The following LRMDA variants were observed in gnomAD, a reference collection of about 807,000 sequenced individuals.
The protein encoded by LRMDA is leucine rich melanocyte differentiation associated.
A neutral mutation model predicts 29.8 loss-of-function variants in LRMDA; 18 were observed. The ratio of observed to expected loss-of-function variants is 0.60; its 90% CI spans 0.42 to 0.90. The LOEUF (loss-of-function observed/expected upper bound fraction) is 0.90, where lower values mean the gene tolerates loss of function less well. LRMDA is among the 40% of genes least tolerant of loss of function. The pLI is 0.00. For synonymous variants in LRMDA, 125 were observed against 109.4 expected, an observed-to-expected ratio of 1.14 and a Z score of -0.89; for missense variants, 273 against 273.9, an observed-to-expected ratio of 1.00 and a Z score of 0.02.
At chr10:75,845,381 A>G (rs377595537) in intron 2 of LRMDA, among the ~76,000 whole-genome samples, 1 of 152,164 alleles carries the variant, frequency 6.6e-6, no homozygotes, top group African/African-American at 2.4e-5. Flanking sequence ...GTATAACTGA[A>G]TGGATCATTT....
chr10:76,219,703 T>C (rs1201761455), intron 5 of LRMDA, among the ~76,000 whole-genome samples: 7 of 152,234 alleles, frequency 4.6e-5, no homozygotes, highest in African/African-American at 1.7e-4. Flanking sequence ...ATTAGACAGA[T>C]CAACGAGACA....
intron 2 of LRMDA, among the ~76,000 whole-genome samples, chr10:75,933,718 C>T (rs1445012046): frequency 2.0e-5 from 3 of 152,074 alleles, no homozygotes; most frequent in Non-Finnish European, 2.9e-5. Flanking sequence ...GGAGGGTATT[C>T]GCTCCAAGGA....
At chr10:75,881,818 C>T (rs1845299482) in intron 2 of LRMDA, among the ~76,000 whole-genome samples, 1 of 152,230 alleles carries the variant, frequency 6.6e-6, no homozygotes, top group Non-Finnish European at 1.5e-5. Context: ...CTTTTGTTTG[C>T]TTCATTCTTT....
chr10:76,282,762 G>A (rs1438469338), intron 5 of LRMDA, among the ~76,000 whole-genome samples: 1 of 152,020 alleles, frequency 6.6e-6, no homozygotes, highest in Non-Finnish European at 1.5e-5. Flanking sequence ...ACCTTCACAA[G>A]TCCTTTCCTG....
chr10:75,861,764 AGTTCCCTTTTATATC>A (rs1564589535), intron 2 of LRMDA, among the ~76,000 whole-genome samples: 6 of 152,174 alleles, frequency 3.9e-5, no homozygotes, highest in African/African-American at 1.2e-4. Context: ...ACTTCCTAGT[AGTTCCCTTTTATATC>A]TAGTTCCCTT....
chr10:75,817,962 C>A (rs1479328173), intron 2 of LRMDA, among the ~76,000 whole-genome samples: 4 of 152,180 alleles, frequency 2.6e-5, no homozygotes. Flanking sequence ...TTTCTCTGCC[C>A]ATTTTACCAT....
intron 5 of LRMDA, among the ~76,000 whole-genome samples, chr10:76,172,876 C>G (rs1028570474): frequency 1.3e-5 from 2 of 152,126 alleles, no homozygotes; most frequent in East Asian, 1.9e-4. Context: ...AAATGAATAT[C>G]AGATTTATAA....
At chr10:76,246,791 T>C (rs1018186823) in intron 5 of LRMDA, among the ~76,000 whole-genome samples, 1 of 152,176 alleles carries the variant, frequency 6.6e-6, no homozygotes, top group Non-Finnish European at 1.5e-5. Flanking sequence ...GTGCTCTGTC[T>C]TTGCATTGCA....
chr10:75,696,931 T>C (rs1449383088), intron 2 of LRMDA, among the ~76,000 whole-genome samples: 2 of 152,242 alleles, frequency 1.3e-5, no homozygotes, highest in Non-Finnish European at 2.9e-5. Flanking sequence ...AGGTACTCTA[T>C]GTCCATTTTT....
intron 2 of LRMDA, among the ~76,000 whole-genome samples, chr10:75,865,767 T>G (rs1042231463): frequency 2.0e-5 from 3 of 152,220 alleles, no homozygotes; most frequent in African/African-American, 7.2e-5. Context: ...ATTTTTTTTT[T>G]GCTTTATACT....
At chr10:75,766,565 TC>T (rs1348385986) in intron 2 of LRMDA, among the ~76,000 whole-genome samples, 1 of 152,240 alleles carries the variant, frequency 6.6e-6, no homozygotes, top group East Asian at 1.9e-4. Flanking sequence ...GTTCTTTTTT[TC>T]TTTTTCTTTC....
chr10:76,285,463 T>C (rs115031633), intron 5 of LRMDA, among the ~76,000 whole-genome samples: 1,724 of 152,140 alleles, frequency 0.011, 33 homozygotes, highest in African/African-American at 0.039. Context: ...TAACCCTTTA[T>C]CCTGATAGCA....
chr10:76,145,861 A>AC (rs1850306486), intron 5 of LRMDA, among the ~76,000 whole-genome samples: 3 of 150,634 alleles, frequency 2.0e-5, no homozygotes, highest in Non-Finnish European at 3.0e-5. Flanking sequence ...CACTGCTTTG[A>AC]ATGTGTCCCA....
chr10:76,248,257 C>T (rs1046919578), intron 5 of LRMDA, among the ~76,000 whole-genome samples: 1 of 152,142 alleles, frequency 6.6e-6, no homozygotes, highest in Non-Finnish European at 1.5e-5. Context: ...CTACCATGCA[C>T]AGGACAGTCC....
At chr10:76,289,175 T>C (rs1181231166) in intron 5 of LRMDA, among the ~76,000 whole-genome samples, 1 of 152,164 alleles carries the variant, frequency 6.6e-6, no homozygotes, top group Non-Finnish European at 1.5e-5. Context: ...GCCTGTGTGG[T>C]GCTGAAGCAG....
chr10:75,469,572 GTGTGAGTGTA>G (rs1844701269), intron 2 of LRMDA, among the ~76,000 whole-genome samples: 6 of 132,300 alleles, frequency 4.5e-5, no homozygotes, highest in African/African-American at 2.0e-4. Flanking sequence ...CTGCCCATGT[GTGTGAGTGTA>G]TGTGCGTGTG....
intron 5 of LRMDA, among the ~76,000 whole-genome samples, chr10:76,314,864 CTTTCATGTATTATTAAATAA>C (rs1329646485): frequency 2.6e-5 from 4 of 152,176 alleles, no homozygotes; most frequent in African/African-American, 9.7e-5. Flanking sequence ...ACAGCTAATT[CTTTCATGTATTATTAAATAA>C]GTTGATAGTT....
intron 2 of LRMDA, among the ~76,000 whole-genome samples, chr10:75,530,318 G>A (rs1015806774): frequency 6.6e-5 from 10 of 151,972 alleles, no homozygotes; most frequent in Admixed American, 5.2e-4. Flanking sequence ...GGGAATTCTC[G>A]GTAAGTCTCC....
intron 2 of LRMDA, among the ~76,000 whole-genome samples, chr10:75,980,583 C>T (rs1004894680): frequency 6.6e-6 from 1 of 152,144 alleles, no homozygotes; most frequent in African/African-American, 2.4e-5. Context: ...GCGTGTCTGG[C>T]TAAGTGTGAA....
Sources: gnomAD v4.1 joint callset for allele counts (sites outside exome capture counted in the v4.1 genomes callset) on GRCh38, gnomAD v4.1.1 for gene constraint, MANE v1.5 for transcripts, NCBI Gene and HGNC (gene_info 2026-07-23, HGNC 2026-07-21) for gene names.